TRPC5: variants seen among roughly 807,000 people sequenced by gnomAD.
TRPC5 encodes the protein transient receptor potential cation channel subfamily C member 5.
TRPC5 carries 9 observed loss-of-function variants against 56.5 expected under a neutral mutation model. That is an observed-to-expected ratio of 0.16 (90% CI 0.10 to 0.28). TRPC5 has a LOEUF of 0.28. Ranked by LOEUF, TRPC5 falls within the 10% of genes least tolerant of loss-of-function variation. The pLI is 1.00. For missense variants in TRPC5, 469 were observed against 748.9 expected, an observed-to-expected ratio of 0.63 and a Z score of 4.36; for synonymous variants, 282 against 278.5, an observed-to-expected ratio of 1.01 and a Z score of -0.13.
chrX:111,979,680 C>A (rs774752249), intron 1 of TRPC5, among the ~76,000 whole-genome samples: 1 of 111,247 alleles, frequency 9.0e-6, no homozygotes, highest in African/African-American at 3.3e-5. Context: ...GATACTTCAC[C>A]AAAAAGGATA....
At chrX:112,005,252 C>G (rs1236695245) in intron 1 of TRPC5, among the ~76,000 whole-genome samples, 1 of 109,592 alleles carries the variant, frequency 9.1e-6, no homozygotes, top group Non-Finnish European at 1.9e-5. Context: ...TGAGTGGGAG[C>G]TAAATGATGA....
intron 7 of TRPC5, among the ~76,000 whole-genome samples, chrX:111,812,096 G>C (rs1242080983): frequency 9.8e-6 from 1 of 101,602 alleles, no homozygotes; most frequent in Non-Finnish European, 1.9e-5. Context: ...AGATGTCTTG[G>C]TATCTGGAAA....
chrX:111,878,937 G>A (rs1262058707), intron 3 of TRPC5, among the ~76,000 whole-genome samples: 1 of 111,811 alleles, frequency 8.9e-6, no homozygotes, highest in Non-Finnish European at 1.9e-5. Context: ...CCTGGAGTGA[G>A]TGAATGGCTC....
intron 1 of TRPC5, among the ~76,000 whole-genome samples, chrX:112,038,515 T>C (rs959966899): frequency 8.9e-6 from 1 of 112,052 alleles, no homozygotes; most frequent in African/African-American, 3.3e-5. Flanking sequence ...CCCTGTGCTG[T>C]AGGTGTTCTG....
At chrX:111,980,200 G>T (rs1367986075) in intron 1 of TRPC5, among the ~76,000 whole-genome samples, 1 of 111,423 alleles carries the variant, frequency 9.0e-6, no homozygotes, top group African/African-American at 3.3e-5. Context: ...AAATAAGTAT[G>T]GTGAGTGAAT....
intron 1 of TRPC5, among the ~76,000 whole-genome samples, chrX:111,979,035 T>C (rs779010023): frequency 1.8e-5 from 2 of 111,212 alleles, no homozygotes; most frequent in East Asian, 5.6e-4. Context: ...TTTTGGCTAG[T>C]GCTAGAAGGA....
In TRPC5 at chrX:111,775,229, T is replaced by C. The variant is rs1945868327; in HGVS notation, c.*1084A>G. ...CACTGCCCCCAATGAATATTAAAAC[T>C]GCAACCTGAATTAGGTTATCTATAC... On this transcript the variant is annotated 3_prime_UTR_variant, in exon 11 of 11. Transcript: ENST00000262839. The C allele has an allele frequency of 8.9e-6, 1 of 111,905 alleles. No individual in the cohort carries two copies. The highest frequency in any genetic ancestry group is 9.5e-5 in the Admixed American group (1 of 10,541). The allele number at this position is 111,905 out of a possible 1,213,427, so 9.2% of individuals were successfully genotyped here.
rs1343650849 is a variant in TRPC5 at position 111,967,104 on chromosome X, T to A, written c.-21-14663A>T. ...CCCATCATCTCAGCCCAAAATCTCC[T>A]TACACTGATAAGCAACTTCAGCAAA... On this transcript the variant is annotated intron_variant, in intron 1 of 10. Coordinates refer to ENST00000262839, the MANE Select transcript of TRPC5 (RefSeq NM_012471.3). Among the ~76,000 whole-genome samples the A allele has an allele frequency of 3.6e-5, 4 of 111,905 alleles. No individual in the cohort carries two copies. The East Asian group carries it at 1.1e-3, about 31-fold the overall frequency.
chrX:111,811,943 G>A, intron 7 of TRPC5, among the ~76,000 whole-genome samples: 1 of 111,460 alleles, frequency 9.0e-6, no homozygotes, highest in South Asian at 3.8e-4. Context: ...CTCTTGAAAT[G>A]AAGTAGATAT....
At chrX:111,998,369 T>C (rs1403773479) in intron 1 of TRPC5, among the ~76,000 whole-genome samples, 7 of 112,246 alleles carry the variant, frequency 6.2e-5, no homozygotes, top group Non-Finnish European at 1.3e-4. Flanking sequence ...ATCAAGGCAA[T>C]TGGGATATCT....
chrX:111,867,076 C>A lies in TRPC5; in HGVS notation c.901-12970G>T, dbSNP rs1675042928. Among the ~76,000 whole-genome samples, 3 of 111,618 alleles carry A rather than the reference C, an allele frequency of 2.7e-5. No homozygotes were observed. In the South Asian group the frequency reaches 1.1e-3, roughly 42 times the overall value. On this transcript the variant is annotated intron_variant, in intron 3 of 10. Coordinates refer to ENST00000262839, the MANE Select transcript of TRPC5 (RefSeq NM_012471.3). ...AGCCTAACTCATGCGAAACAAGTAA[C>A]AGGACAATAATGTTTGTGTTCAGAC...
chrX:112,057,089 C>A (rs1447840672), intron 1 of TRPC5, among the ~76,000 whole-genome samples: 3 of 111,925 alleles, frequency 2.7e-5, no homozygotes, highest in Non-Finnish European at 5.6e-5. Context: ...GTCATTAGAT[C>A]TCCTTTAGAC....
At chrX:111,977,085 A>T (rs1406028969) in intron 1 of TRPC5, among the ~76,000 whole-genome samples, 1 of 111,252 alleles carries the variant, frequency 9.0e-6, no homozygotes, top group Non-Finnish European at 1.9e-5. Context: ...TGATCTACAG[A>T]TTCAATGCAA....
At chrX:111,886,077 C>T (rs375074782) in intron 3 of TRPC5, among the ~76,000 whole-genome samples, 2 of 111,417 alleles carry the variant, frequency 1.8e-5, no homozygotes, top group East Asian at 2.8e-4. Context: ...GTCAGGGGTT[C>T]GAGAAAAGCC....
chrX:111,844,625 C>T (rs1024381776), intron 6 of TRPC5, among the ~76,000 whole-genome samples: 65 of 108,646 alleles, frequency 6.0e-4, no homozygotes, highest in African/African-American at 1.5e-3. Context: ...GCCACCACAC[C>T]CGGCTAATTG....
chrX:112,049,454 C>T (rs755743153), intron 1 of TRPC5, among the ~76,000 whole-genome samples: 1,075 of 103,551 alleles, frequency 0.01, 20 homozygotes, highest in African/African-American at 0.038. Context: ...CACACACACA[C>T]ATATATATAC....
intron 3 of TRPC5, among the ~76,000 whole-genome samples, chrX:111,885,279 G>C (rs1924426454): frequency 8.9e-6 from 1 of 112,440 alleles, no homozygotes; most frequent in African/African-American, 3.2e-5. Flanking sequence ...ATTTAACCCA[G>C]TTAGGTCTAG....
chrX:111,779,751 G>A (rs776427911), intron 9 of TRPC5, among the ~76,000 whole-genome samples: 22 of 111,985 alleles, frequency 2.0e-4, no homozygotes, highest in African/African-American at 6.1e-4. Context: ...AGGAAGTCAA[G>A]GCTCAATGAG....
chrX:111,969,603 A>G (rs1927722900), intron 1 of TRPC5, among the ~76,000 whole-genome samples: 1 of 112,318 alleles, frequency 8.9e-6, no homozygotes, highest in African/African-American at 3.2e-5. Context: ...TGGAAGAGGT[A>G]GAACTTGAGC....
Sources: allele counts gnomAD v4.1 joint callset (sites outside exome capture counted in the v4.1 genomes callset), GRCh38; gene constraint gnomAD v4.1.1; transcripts MANE v1.5; gene names NCBI Gene and HGNC (gene_info 2026-07-23, HGNC 2026-07-21).